The following SLC9A3 variants were observed in gnomAD, a reference collection of about 807,000 sequenced individuals.
The protein encoded by SLC9A3 is solute carrier family 9 member A3.
In SLC9A3, 37 loss-of-function variants were observed where a neutral mutation model predicts 86.8. The ratio of observed to expected loss-of-function variants is 0.43; its 90% confidence interval spans 0.33 to 0.56. The LOEUF is 0.56. Among genes scored for constraint, SLC9A3 ranks in the 20% least tolerant of loss-of-function variants. The pLI is 0.06. For missense variants in SLC9A3, 1,011 were observed against 1,171.9 expected, an observed-to-expected ratio of 0.86 and a Z score of 2.00; for synonymous variants, 581 against 528.3, an observed-to-expected ratio of 1.10 and a Z score of -1.37.
intron 1 of SLC9A3, among the ~76,000 whole-genome samples, chr5:502,893 G>C (rs6863511): frequency 0.095 from 1,695 of 17,756 alleles, 1 homozygote; most frequent in African/African-American, 0.19. Context: ...CTCACTACCA[G>C]TGAGGCCGAA....
chr5:499,556 C>G (rs1740170008), intron 1 of SLC9A3, among the ~76,000 whole-genome samples: 1 of 152,238 alleles, frequency 6.6e-6, no homozygotes, highest in Non-Finnish European at 1.5e-5. Context: ...CACTTGGGTT[C>G]CAGGGTCCCT....
chr5:500,407 G>A (rs548088138), intron 1 of SLC9A3, among the ~76,000 whole-genome samples: 3 of 152,332 alleles, frequency 2.0e-5, no homozygotes, highest in East Asian at 3.9e-4. Flanking sequence ...GGCAGGAGAC[G>A]GGGACGGGAC....
chr5:484,509 G>C lies in SLC9A3; in HGVS notation c.932+11C>G, dbSNP rs1422014447. 3.1e-6 allele frequency: 5 copies of C among 1,610,896 alleles called. No homozygotes were observed. The highest frequency in any genetic ancestry group is 4.2e-6 in the Non-Finnish European group (5 of 1,178,838). ...GGCGTGGAGAAGCTCGCGTGTGTGG[G>C]AGGGACTCACGCGAGGATGGCCGAC... On this transcript the variant is annotated intron_variant, in intron 5 of 16. Coordinates refer to ENST00000264938, the MANE Select transcript of SLC9A3 (RefSeq NM_004174.4).
At chr5:502,506 C>T (rs72702730) in intron 1 of SLC9A3, among the ~76,000 whole-genome samples, 14,501 of 152,250 alleles carry the variant, frequency 0.095, 1,136 homozygotes, top group African/African-American at 0.22. Flanking sequence ...ACACCGGTCG[C>T]AACGTCCTGG....
rs535557747 is a variant in SLC9A3 at position 502,216 on chromosome 5, G to A, written c.212-10145C>T. Among the ~76,000 whole-genome samples, 5 of 152,322 alleles carry A rather than the reference G, an allele frequency of 3.3e-5. No homozygotes were observed. The East Asian group carries it at 7.7e-4, about 23-fold the overall frequency. ...TGAACGCAGCCTCTGAGCCAGCCAC[G>A]GCCTCTGTCCAGGACGCTGGGCAGA... is the stretch of plus-strand genomic sequence containing the variant. On this transcript the variant is annotated intron_variant, in intron 1 of 16. Coordinates refer to ENST00000264938, the MANE Select transcript of SLC9A3 (RefSeq NM_004174.4).
At chr5:475,912 G>A in intron 14 of SLC9A3, 108 bp downstream of exon 14, 2 of 987,906 alleles carry the variant, frequency 2.0e-6, no homozygotes, top group East Asian at 2.6e-5. Context: ...GTGGCTGGAG[G>A]GTCCCCAGAG....
Position 522,570 on chromosome 5 carries a change from A to G in SLC9A3, c.211+1542T>C, listed in dbSNP as rs367729380. Among the ~76,000 whole-genome samples, 8 of 151,964 alleles carry G rather than the reference A, an allele frequency of 5.3e-5. No individual in the cohort carries two copies. In the East Asian group the frequency reaches 1.6e-3, roughly 30 times the overall value. ...AGGTCTGGAGTTCAAGACCAGCCTG[A>G]CCAACATGGAGAAACCCTGTCTGTA... On this transcript the variant is annotated intron_variant, in intron 1 of 16. Transcript: ENST00000264938.
intron 2 of SLC9A3, 22 bp from the exon 3 acceptor site, chr5:488,498 G>A (rs747168530): frequency 4.6e-5 from 70 of 1,524,032 alleles, no homozygotes; most frequent in Middle Eastern, 1.7e-4. Context: ...GCCGGGCCGC[G>A]GGGCAGCTGC....
chr5:483,215 T>C (rs1336479989), intron 6 of SLC9A3, 47 bp downstream of exon 6: 8 of 1,399,958 alleles, frequency 5.7e-6, no homozygotes, highest in East Asian at 5.0e-5. Flanking sequence ...CCGGAGACGG[T>C]GCCGGCCCAT....
chr5:519,486 C>T (rs1456227218), intron 1 of SLC9A3, among the ~76,000 whole-genome samples: 2 of 152,188 alleles, frequency 1.3e-5, no homozygotes, highest in Non-Finnish European at 2.9e-5. Context: ...ACAGCCTGGG[C>T]ACTGAGTGCC....
chr5:518,879 GTCTC>G (rs1232815839), intron 1 of SLC9A3, among the ~76,000 whole-genome samples: 1 of 152,090 alleles, frequency 6.6e-6, no homozygotes, highest in Non-Finnish European at 1.5e-5. Flanking sequence ...CACCATCCCT[GTCTC>G]TCTCTCAGCC....
At chr5:521,663 A>T (rs1733887848) in intron 1 of SLC9A3, among the ~76,000 whole-genome samples, 1 of 152,242 alleles carries the variant, frequency 6.6e-6, no homozygotes, top group African/African-American at 2.4e-5. Context: ...TTCAGACCCC[A>T]GTCCGGGGGC....
intron 1 of SLC9A3, among the ~76,000 whole-genome samples, chr5:520,143 A>G (rs964827405): frequency 6.6e-6 from 1 of 151,814 alleles, no homozygotes; most frequent in Admixed American, 6.6e-5. Flanking sequence ...CACCTCCCTG[A>G]GCCAGCGCTG....
At chr5:484,417 G>A (rs957075438) in intron 5 of SLC9A3, 103 bp downstream of exon 5, 9 of 838,038 alleles carry the variant, frequency 1.1e-5, no homozygotes, top group African/African-American at 1.7e-5. Flanking sequence ...GGAGAAGCTC[G>A]GGTTGGGGTC....
At chr5:502,844 T>C (rs6892166) in intron 1 of SLC9A3, among the ~76,000 whole-genome samples, 569 of 23,026 alleles carry the variant, frequency 0.025, 15 homozygotes, top group East Asian at 0.074. Flanking sequence ...GCCGCCGTAA[T>C]GACACAGATG....
chr5:485,284 T>A, intron 3 of SLC9A3, 53 bp from the exon 4 acceptor site: 1 of 1,459,982 alleles, frequency 6.8e-7, no homozygotes, highest in Non-Finnish European at 9.6e-7. Flanking sequence ...TGCCACCCCC[T>A]CTCCGGGGCC....
chr5:511,440 A>C (rs893307932), intron 1 of SLC9A3, among the ~76,000 whole-genome samples: 1 of 152,254 alleles, frequency 6.6e-6, no homozygotes, highest in Non-Finnish European at 1.5e-5. Flanking sequence ...AGGACTCTAA[A>C]AACTCATAGG....
rs772204389 is a variant in SLC9A3 at position 477,385 on chromosome 5, G to A, written c.1707C>T (p.Asn569=). The A allele has an allele frequency of 3.5e-5, 56 of 1,613,148 alleles. No homozygotes were observed. Among genetic ancestry groups the A allele is most frequent in the Non-Finnish European group, 4.6e-5 (54 of 1,179,840 alleles). The change falls in exon 11 of 17, where the codon AAC becomes AAT. Residue 569 remains asparagine (N), a synonymous_variant. Coordinates refer to ENST00000264938, the MANE Select transcript of SLC9A3 (RefSeq NM_004174.4). ...IRSPSTDNVV[N]VDFTPRSSTV... is the part of the protein sequence containing the mutation. Reference sequence around the variant, plus strand: ...TGGACGATCGTGGCGTGAAGTCCACGTTGACCACGTTGTCGGTGCTGGGGG... The same window carrying A: ...TGGACGATCGTGGCGTGAAGTCCACATTGACCACGTTGTCGGTGCTGGGGG...
chr5:475,197 C>T (rs1252661215), intron 15 of SLC9A3, 65 bp from the exon 16 acceptor site: 12 of 1,495,814 alleles, frequency 8.0e-6, no homozygotes, highest in Non-Finnish European at 3.6e-6. Flanking sequence ...GAGACCTCGC[C>T]GGGGCCGTCA....
Sources: gnomAD v4.1 joint callset for allele counts (sites outside exome capture counted in the v4.1 genomes callset) on GRCh38, gnomAD v4.1.1 for gene constraint, MANE v1.5 for transcripts, NCBI Gene and HGNC (gene_info 2026-07-23, HGNC 2026-07-21) for gene names.